Variants in ENOX1 observed in about 807,000 individuals in gnomAD.
The protein encoded by ENOX1 is candidate growth-related and time keeping constitutive hydroquinone (NADH) oxidase.
A neutral mutation model predicts 82.5 loss-of-function variants in ENOX1; 42 were observed. That is an observed-to-expected ratio of 0.51 (90% CI 0.40 to 0.66). ENOX1 has a LOEUF of 0.66. Among genes scored for constraint, ENOX1 ranks in the 30% least tolerant of loss-of-function variants. The probability of loss-of-function intolerance (pLI) is 0.00; values close to 1 mark genes in which losing one functional copy is unlikely to be tolerated. For missense variants in ENOX1, 608 were observed against 811.6 expected, an observed-to-expected ratio of 0.75 and a Z score of 3.05; for synonymous variants, 271 against 282.2, an observed-to-expected ratio of 0.96 and a Z score of 0.40.
intron 1 of ENOX1, among the ~76,000 whole-genome samples, chr13:43,741,167 C>G (rs2089894033): frequency 6.6e-6 from 1 of 151,084 alleles, no homozygotes; most frequent in Non-Finnish European, 1.5e-5. Flanking sequence ...TCACTGCAAC[C>G]TCCGCCTCCC....
intron 9 of ENOX1, among the ~76,000 whole-genome samples, chr13:43,338,403 AAATGACATAAAGATGAGACTAGGAT>A (rs1230673186): frequency 1.3e-5 from 2 of 152,202 alleles, no homozygotes; most frequent in East Asian, 3.8e-4. Context: ...ACGGGTTAAG[AAATGACATAAAGATGAGACTAGGAT>A]GCTATCGGGA....
At chr13:43,357,371 A>G (rs2050222325) in intron 7 of ENOX1, among the ~76,000 whole-genome samples, 2 of 152,182 alleles carry the variant, frequency 1.3e-5, no homozygotes, top group South Asian at 4.1e-4. Flanking sequence ...CACACCTTTG[A>G]AAAGTTACAA....
Position 43,271,206 on chromosome 13 carries a change from T to C in ENOX1, c.1447-1629A>G, listed in dbSNP as rs1259858993. 3.3e-5 allele frequency among the ~76,000 whole-genome samples: 5 copies of C among 152,190 alleles called. No homozygotes were observed. In the East Asian group the frequency reaches 9.6e-4, roughly 29 times the overall value. On this transcript the variant is annotated intron_variant, in intron 12 of 16. Coordinates refer to ENST00000690772, the MANE Select transcript of ENOX1 (RefSeq NM_001347969.2). ...TGTTTGCTTATTGCAGCACTTGAGG[T>C]GGCAAAACCAAAAATAACTGATGTC...
chr13:43,310,031 G>A lies in ENOX1; in HGVS notation c.1262-11501C>T, dbSNP rs926469945. ...ATCCTGGCTAATACAGTGAGACCCC[G>A]TCTCTACTAAAAATACAAAAAATTA... On this transcript the variant is annotated intron_variant, in intron 11 of 16. Transcript: ENST00000690772. Among the ~76,000 whole-genome samples, 6 of 151,822 alleles carry A rather than the reference G, an allele frequency of 4.0e-5. 1 individual carries two copies. Among genetic ancestry groups the A allele is most frequent in the Middle Eastern group, 6.3e-3 (2 of 316 alleles).
chr13:43,612,649 T>G (rs1422578707), intron 2 of ENOX1, among the ~76,000 whole-genome samples: 1 of 152,174 alleles, frequency 6.6e-6, no homozygotes, highest in East Asian at 1.9e-4. Flanking sequence ...TGCTTTTTCC[T>G]CCACAAGAAC....
At chr13:43,252,605 C>T (rs764734252) in intron 14 of ENOX1, among the ~76,000 whole-genome samples, 5 of 152,234 alleles carry the variant, frequency 3.3e-5, no homozygotes, top group Non-Finnish European at 7.3e-5. Context: ...TCAACTTTTG[C>T]TCTGCCTGAA....
At chr13:43,581,353 C>G (rs181318437) in intron 2 of ENOX1, among the ~76,000 whole-genome samples, 1 of 151,460 alleles carries the variant, frequency 6.6e-6, no homozygotes, top group African/African-American at 2.4e-5. Context: ...GGGATGGTCT[C>G]GATCTCCTGA....
chr13:43,298,561 G>A, intron 11 of ENOX1, 31 bp from the exon 12 acceptor site: 2 of 1,572,292 alleles, frequency 1.3e-6, no homozygotes, highest in East Asian at 2.3e-5. Flanking sequence ...GTTCAGGTGA[G>A]CTACCTTCTT....
At chr13:43,251,389 T>C (rs2153470550) in intron 14 of ENOX1, among the ~76,000 whole-genome samples, 1 of 152,298 alleles carries the variant, frequency 6.6e-6, no homozygotes, top group East Asian at 1.9e-4. Context: ...TGCACTTCCA[T>C]CAATGCAATC....
intron 5 of ENOX1, among the ~76,000 whole-genome samples, chr13:43,370,225 G>C (rs2051137547): frequency 6.6e-6 from 1 of 152,214 alleles, no homozygotes; most frequent in African/African-American, 2.4e-5. Context: ...AAATTAGCTG[G>C]GAGTGGTGGC....
intron 2 of ENOX1, among the ~76,000 whole-genome samples, chr13:43,636,712 G>A (rs1164200793): frequency 6.6e-6 from 1 of 152,178 alleles, no homozygotes. Flanking sequence ...GGCACGGGTG[G>A]CAGAGATCCA....
At chr13:43,562,353 G>A (rs9533528) in intron 2 of ENOX1, among the ~76,000 whole-genome samples, 84,034 of 151,750 alleles carry the variant, frequency 0.55, 23,537 homozygotes, top group Non-Finnish European at 0.61. Flanking sequence ...AAGCCACATG[G>A]TAACCTCAAA....
intron 1 of ENOX1, among the ~76,000 whole-genome samples, chr13:43,701,870 A>G (rs1158245136): frequency 6.6e-6 from 1 of 152,180 alleles, no homozygotes; most frequent in Non-Finnish European, 1.5e-5. Flanking sequence ...TCATTTGTAC[A>G]TGTGTATGTA....
intron 9 of ENOX1, among the ~76,000 whole-genome samples, chr13:43,341,068 C>T (rs574702442): frequency 8.5e-5 from 13 of 152,142 alleles, no homozygotes; most frequent in African/African-American, 2.6e-4. Flanking sequence ...GAGGCCGAGG[C>T]GGGCAGATCA....
chr13:43,287,877 T>C (rs1192886387), intron 12 of ENOX1, among the ~76,000 whole-genome samples: 1 of 152,204 alleles, frequency 6.6e-6, no homozygotes, highest in East Asian at 1.9e-4. Context: ...AATTGGAGAA[T>C]TGGTTTCTAT....
chr13:43,346,062 A>T (rs569964418), intron 8 of ENOX1, among the ~76,000 whole-genome samples: 1 of 152,174 alleles, frequency 6.6e-6, no homozygotes, highest in Non-Finnish European at 1.5e-5. Context: ...TTGAGTTCTT[A>T]TTAGTATTTT....
intron 3 of ENOX1, among the ~76,000 whole-genome samples, chr13:43,480,685 GAAAT>G (rs368542850): frequency 1.4e-3 from 220 of 152,122 alleles, no homozygotes; most frequent in African/African-American, 5.0e-3. Context: ...TGATATCACA[GAAAT>G]AAAAAGGATT....
chr13:43,361,828 C>T (rs1486776044), intron 5 of ENOX1, among the ~76,000 whole-genome samples: 1 of 152,094 alleles, frequency 6.6e-6, no homozygotes, highest in Non-Finnish European at 1.5e-5. Flanking sequence ...TATCATTTAA[C>T]ATTGAAGTGC....
Position 43,298,468 on chromosome 13 carries a change from C to T in ENOX1, c.1324G>A (p.Ala442Thr). 6.2e-7 allele frequency: 1 copy of T among 1,614,062 alleles called. No individual in the cohort carries two copies. Among genetic ancestry groups the T allele is most frequent in the Admixed American group, 1.7e-5 (1 of 60,018 alleles). Reference sequence around the variant, plus strand: ...AGCAGCTCCACCTCATTCCTGTAGGCATCCAGCTGCCAGCGGAGACTGTCA... The same window carrying T: ...AGCAGCTCCACCTCATTCCTGTAGGTATCCAGCTGCCAGCGGAGACTGTCA... Reference protein sequence around the residue: ...ENDSLRWQLDAYRNEVELLKQ... With the variant: ...ENDSLRWQLDTYRNEVELLKQ... Residue 442 changes from alanine (A) to threonine (T), a missense_variant, in exon 12 of 17, where the codon GCC becomes ACC. Transcript: ENST00000690772.
Sources: allele counts gnomAD v4.1 joint callset (sites outside exome capture counted in the v4.1 genomes callset), GRCh38; gene constraint gnomAD v4.1.1; transcripts MANE v1.5; gene names NCBI Gene and HGNC (gene_info 2026-07-23, HGNC 2026-07-21).